ESPNL: variants seen among roughly 807,000 people sequenced by gnomAD.
ESPNL encodes espin like.
Under a neutral mutation model 46.8 loss-of-function variants are expected in ESPNL, and 49 were observed. The observed-to-expected ratio is 1.05, with a 90% CI of 0.83 to 1.33. ESPNL has a LOEUF of 1.33. Among genes scored for constraint, ESPNL ranks in the 40% most tolerant of loss-of-function variants. The pLI is 0.00. For missense variants in ESPNL, 1,540 were observed against 1,436.6 expected, an observed-to-expected ratio of 1.07 and a Z score of -1.16; for synonymous variants, 664 against 662.1, an observed-to-expected ratio of 1.00 and a Z score of -0.04.
rs939151189 is a variant in ESPNL at position 238,130,646 on chromosome 2, G to C, written c.1932G>C (p.Gln644His). 59 of 1,561,546 alleles carry C rather than the reference G, an allele frequency of 3.8e-5. No individual in the cohort carries two copies. Among genetic ancestry groups the C allele is most frequent in the Admixed American group, 7.6e-5 (4 of 52,388 alleles). ...ASPPRSEAQR[Q>H]IQEWGVSVRT... Reference sequence around the variant, plus strand: ...CCCCTCGGAGCGAGGCCCAGCGCCAGATCCAGGAGTGGGGGGTGTCTGTGC... The same window carrying C: ...CCCCTCGGAGCGAGGCCCAGCGCCACATCCAGGAGTGGGGGGTGTCTGTGC... Residue 644 changes from glutamine (Q) to histidine (H), a missense_variant, in exon 9 of 9, where the codon CAG becomes CAC. By Grantham distance (24) the Gln-to-His change is conservative. Transcript: ENST00000343063.
In ESPNL at chr2:238,106,478, G is replaced by A. The variant is rs184028037; in HGVS notation, c.673-1313G>A. Among the ~76,000 whole-genome samples, 252 of 152,218 alleles carry A rather than the reference G, an allele frequency of 1.7e-3. 1 individual carries two copies. The highest frequency in any genetic ancestry group is 5.9e-3 in the African/African-American group (247 of 41,536). On this transcript the variant is annotated intron_variant, in intron 3 of 8. Transcript: ENST00000343063. ...CTTCGTGGAGACTGCAGCCCCTCCC[G>A]GTGCCTCGCCTGCAAGTGCGCCCCT...
rs371928121 is a variant in ESPNL at position 238,117,070 on chromosome 2, G to A, written c.987+36G>A. ...GGGTCCCCAGCTGCCCTGGAGGCAT[G>A]GGGGGTGGGCCCAGACCCCAGCCAG... On this transcript the variant is annotated intron_variant, in intron 5 of 8. Transcript: ENST00000343063. The A allele has an allele frequency of 7.9e-5, 125 of 1,581,000 alleles. 4 individuals are homozygous for A. The highest frequency in any genetic ancestry group is 4.4e-4 in the East Asian group (19 of 43,636).
chr2:238,124,077 T>C (rs1412979891), intron 5 of ESPNL, among the ~76,000 whole-genome samples: 1 of 152,160 alleles, frequency 6.6e-6, no homozygotes, highest in African/African-American at 2.4e-5. Flanking sequence ...GAGAACGAAT[T>C]TGAAGGCAGA....
At chr2:238,120,131 A>G (rs1248721452) in intron 5 of ESPNL, among the ~76,000 whole-genome samples, 1 of 152,170 alleles carries the variant, frequency 6.6e-6, no homozygotes, top group African/African-American at 2.4e-5. Context: ...GGTTCAGCAG[A>G]AGGCTGTCTT....
In ESPNL at chr2:238,132,954, A is replaced by T. The variant is rs2278740; in HGVS notation, c.*1222A>T. 47,688 of 152,218 alleles carry T rather than the reference A, an allele frequency of 0.31. 7,738 individuals are homozygous for T. Among genetic ancestry groups the T allele is most frequent in the African/African-American group, 0.39 (16,112 of 41,494 alleles). The allele number at this position is 152,218 out of a possible 1,614,324, so 9.4% of individuals were successfully genotyped here. A position where few individuals can be genotyped will look rare whatever the true frequency, so the allele number is the denominator to read the frequency against. ...GGTGCAGTCAGGCGACAGGCTTATC[A>T]GGACTCCCTGCCTCAATCCCTGGGG... On this transcript the variant is annotated 3_prime_UTR_variant, in exon 9 of 9. Transcript: ENST00000343063.
chr2:238,119,175 GGTGGATGGAGGAGGAA>G (rs2106472691), intron 5 of ESPNL, among the ~76,000 whole-genome samples: 1 of 136,328 alleles, frequency 7.3e-6, no homozygotes, highest in East Asian at 2.3e-4. Flanking sequence ...GATGGAGGAG[GGTGGATGGAGGAGGAA>G]TGGATGGAGG....
chr2:238,108,012 A>G, intron 4 of ESPNL, 39 bp downstream of exon 4: 1 of 1,571,278 alleles, frequency 6.4e-7, no homozygotes, highest in Non-Finnish European at 8.7e-7. Flanking sequence ...AGCAGTCACA[A>G]GTGCCAGCCA....
At position 238,130,756 on chromosome 2, in the gene ESPNL, G is replaced by C. The variant is rs970382212; in HGVS notation, c.2042G>C (p.Arg681Thr). The change falls in exon 9 of 9, where the codon AGG becomes ACG. Residue 681 changes from arginine (R) to threonine (T), a missense_variant. Transcript: ENST00000343063. ...PGPCEPGAQH[R>T]QCLSGCWPAL... ...CCCTGCGAGCCGGGGGCCCAGCACA[G>C]GCAGTGCCTGAGTGGCTGCTGGCCA... The C allele has an allele frequency of 6.4e-7, 1 of 1,562,344 alleles. No individual in the cohort carries two copies. The highest frequency in any genetic ancestry group is 8.6e-7 in the Non-Finnish European group (1 of 1,158,212).
At chr2:238,126,705 C>CTTGTGTCTGTGTGTCTCTGCGTATGA (rs1449934591) in intron 6 of ESPNL, among the ~76,000 whole-genome samples, 1 of 136,274 alleles carries the variant, frequency 7.3e-6, no homozygotes, top group Non-Finnish European at 1.6e-5. Context: ...TCTGTGTATG[C>CTTGTGTCTGTGTGTCTCTGCGTATGA]TTGTGTCTGT....
intron 3 of ESPNL, among the ~76,000 whole-genome samples, chr2:238,107,590 A>T (rs1019573612): frequency 3.3e-5 from 5 of 151,808 alleles, no homozygotes; most frequent in Admixed American, 3.3e-4. Context: ...CTTCACCCCC[A>T]CCTGGACCCC....
intron 5 of ESPNL, among the ~76,000 whole-genome samples, chr2:238,122,576 T>C (rs1697451800): frequency 1.3e-5 from 2 of 152,156 alleles, no homozygotes; most frequent in African/African-American, 2.4e-5. Context: ...GGTAGTCCCC[T>C]GAGCCCCAGA....
Position 238,104,691 on chromosome 2 carries a change from C to A in ESPNL, c.521C>A (p.Pro174Gln). 1 of 1,604,668 alleles carries A rather than the reference C, an allele frequency of 6.2e-7. No homozygotes were observed. Among genetic ancestry groups the A allele is most frequent in the Non-Finnish European group, 8.5e-7 (1 of 1,176,372 alleles). Reference sequence around the variant, plus strand: ...CGGCGGACACGCAGTGGCGCCTCCCCACTCTACCTGGCCTGCCAGGAGGGC... The same window carrying A: ...CGGCGGACACGCAGTGGCGCCTCCCAACTCTACCTGGCCTGCCAGGAGGGC... ...VNRRTRSGAS[P>Q]LYLACQEGHL... Residue 174 changes from proline (P) to glutamine (Q), a missense_variant, in exon 3 of 9, where the codon CCA becomes CAA. Coordinates refer to ENST00000343063, the MANE Select transcript of ESPNL (RefSeq NM_194312.4).
Position 238,133,143 on chromosome 2 carries a change from C to T in ESPNL, c.*1411C>T, listed in dbSNP as rs1375493896. ...GGCAGGGCCGGGAAGGGAAGTAGCA[C>T]CGGCCGCAGCCCCAAGCCAGTGGCT... On this transcript the variant is annotated 3_prime_UTR_variant, in exon 9 of 9. Coordinates refer to ENST00000343063, the MANE Select transcript of ESPNL (RefSeq NM_194312.4). 6 of 152,228 alleles carry T rather than the reference C, an allele frequency of 3.9e-5. No homozygotes were observed. Among genetic ancestry groups the T allele is most frequent in the African/African-American group, 1.2e-4 (5 of 41,446 alleles). The allele number at this position is 152,228 out of a possible 1,614,324, so 9.4% of individuals were successfully genotyped here. A position where few individuals can be genotyped will look rare whatever the true frequency, so the allele number is the denominator to read the frequency against.
intron 7 of ESPNL, 90 bp from the exon 8 acceptor site, chr2:238,128,617 G>A (rs992645474): frequency 4.5e-6 from 6 of 1,331,706 alleles, no homozygotes; most frequent in African/African-American, 4.4e-5. Context: ...TGCCCTGGGC[G>A]GAGCCAACCC....
Position 238,125,403 on chromosome 2 carries a change from G to C in ESPNL, c.1102+19G>C. ...CCCAGCCGTGAGTGCACAGCCCCAA[G>C]TGGGCCACCCAGGGCATGGGCCTGG... is the stretch of plus-strand genomic sequence containing the variant. On this transcript the variant is annotated intron_variant, in intron 6 of 8. Transcript: ENST00000343063. 7.0e-7 allele frequency: 1 copy of C among 1,419,128 alleles called. No homozygotes were observed. The highest frequency in any genetic ancestry group is 9.4e-7 in the Non-Finnish European group (1 of 1,062,956). 87.9% of individuals were successfully genotyped at this position (1,419,128 alleles called of 1,614,324 possible). A position where few individuals can be genotyped will look rare whatever the true frequency, so the allele number is the denominator to read the frequency against.
At chr2:238,103,513 C>T (rs575982327) in intron 2 of ESPNL, among the ~76,000 whole-genome samples, 75 of 152,256 alleles carry the variant, frequency 4.9e-4, no homozygotes, top group Admixed American at 2.2e-3. Flanking sequence ...AGGTCCTGTA[C>T]CCCCGGCCTA....
chr2:238,129,378 G>C, intron 8 of ESPNL: 1 of 492,634 alleles, frequency 2.0e-6, no homozygotes, highest in Non-Finnish European at 2.6e-6. Context: ...GAGCCCTGTG[G>C]GAATTTGGGG....
In ESPNL at chr2:238,131,827, C is replaced by A; in HGVS notation, c.*95C>A. The A allele has an allele frequency of 7.3e-7, 1 of 1,376,032 alleles. No homozygotes were observed. Among genetic ancestry groups the A allele is most frequent in the Non-Finnish European group, 9.9e-7 (1 of 1,006,030 alleles). The allele number at this position is 1,376,032 out of a possible 1,614,324, so 85.2% of individuals were successfully genotyped here. ...CTCACACCCTTGGTGTTCAGGTGAG[C>A]CGGGCAAGGCTGCCTCCAGTCCTAC... On this transcript the variant is annotated 3_prime_UTR_variant, in exon 9 of 9. Coordinates refer to ENST00000343063, the MANE Select transcript of ESPNL (RefSeq NM_194312.4).
chr2:238,100,798 G>A (rs1691451045), intron 1 of ESPNL, 85 bp downstream of exon 1: 1 of 1,204,698 alleles, frequency 8.3e-7, no homozygotes, highest in Non-Finnish European at 1.1e-6. Context: ...TCAGAGTACT[G>A]GCCACCCCGG....
Sources: allele counts gnomAD v4.1 joint callset (sites outside exome capture counted in the v4.1 genomes callset), GRCh38; gene constraint gnomAD v4.1.1; transcripts MANE v1.5; gene names NCBI Gene and HGNC (gene_info 2026-07-23, HGNC 2026-07-21).